RBM39: variants seen among roughly 807,000 people sequenced by gnomAD.
The protein encoded by RBM39 is RNA-binding protein 39.
A neutral mutation model predicts 79.6 loss-of-function variants in RBM39; 12 were observed. That is an observed-to-expected ratio of 0.15 (90% CI 0.10 to 0.24). The LOEUF (loss-of-function observed/expected upper bound fraction) is 0.24. Ranked by LOEUF, RBM39 falls within the 10% of genes least tolerant of loss-of-function variation. RBM39 has a pLI of 1.00. For missense variants in RBM39, 243 were observed against 653.4 expected (o/e 0.37, Z 6.85); for synonymous variants, 185 against 208.4 (o/e 0.89, Z 0.97).
At chr20:35,739,851 G>T in intron 2 of RBM39, 1 of 176,744 alleles carries the variant, frequency 5.7e-6, no homozygotes, top group Non-Finnish European at 1.2e-5. Flanking sequence ...TTTTTAAAAG[G>T]TTTAGTGAAA....
At chr20:35,721,092 C>G (rs1600494164) in intron 9 of RBM39, among the ~76,000 whole-genome samples, 1 of 152,114 alleles carries the variant, frequency 6.6e-6, no homozygotes, top group Non-Finnish European at 1.5e-5. Context: ...AGAGACGCAC[C>G]AACACGCCCA....
intron 12 of RBM39, among the ~76,000 whole-genome samples, chr20:35,712,044 G>A (rs2036482165): frequency 6.6e-6 from 1 of 152,082 alleles, no homozygotes; most frequent in South Asian, 2.1e-4. Flanking sequence ...GCCACAGAGT[G>A]AGACTCCATC....
Position 35,731,888 on chromosome 20 carries a change from C to T in RBM39, c.296+53G>A, listed in dbSNP as rs1206888535. The T allele has an allele frequency of 4.0e-6, 6 of 1,496,496 alleles. No homozygotes were observed. The Admixed American group carries it at 5.5e-5, about 14-fold the overall frequency. The allele number at this position is 1,496,496 out of a possible 1,614,324, so 92.7% of individuals were successfully genotyped here. On this transcript the variant is annotated intron_variant, in intron 4 of 16. Transcript: ENST00000253363. ...CAAATCACTCAAGTTAAACTGCCAT[C>T]TGAATACCCAGAGAATAACCCTCAA...
At chr20:35,733,611 A>AAAAAG (rs113092336) in intron 3 of RBM39, among the ~76,000 whole-genome samples, 2,639 of 151,694 alleles carry the variant, frequency 0.017, 34 homozygotes, top group Non-Finnish European at 0.023. Context: ...TGTCTCCAAA[A>AAAAAG]AAAAAGAAAA....
chr20:35,734,161 G>C, intron 3 of RBM39: 1 of 1,274,500 alleles, frequency 7.8e-7, no homozygotes, highest in Non-Finnish European at 1.0e-6. Context: ...AGAGTGCATT[G>C]AAAATAGAAA....
chr20:35,709,159 A>AGT (rs2036113083), intron 13 of RBM39, 65 bp downstream of exon 13: 80 of 1,397,554 alleles, frequency 5.7e-5, no homozygotes, highest in Non-Finnish European at 7.9e-5. Context: ...AATATAGAAA[A>AGT]CTGTCTTACT....
chr20:35,735,824 A>C (rs1262409903), intron 3 of RBM39, among the ~76,000 whole-genome samples: 1 of 152,204 alleles, frequency 6.6e-6, no homozygotes, highest in African/African-American at 2.4e-5. Context: ...CCCTTAGACA[A>C]TCTCATGGTT....
intron 2 of RBM39, 71 bp from the exon 3 acceptor site, chr20:35,739,088 G>T (rs995128101): frequency 1.6e-6 from 2 of 1,221,630 alleles, no homozygotes; most frequent in Admixed American, 1.8e-5. Flanking sequence ...AGGGTAAAGG[G>T]AACAGGAATA....
intron 10 of RBM39, among the ~76,000 whole-genome samples, 159 bp from the exon 11 acceptor site, chr20:35,714,548 T>C (rs1375127275): frequency 2.6e-5 from 4 of 152,200 alleles, no homozygotes; most frequent in Admixed American, 1.3e-4. Flanking sequence ...ACATACATGA[T>C]GACGACGCTA....
At position 35,707,273 on chromosome 20, in the gene RBM39, GA is replaced by G. The variant is rs2035860511; in HGVS notation, c.1226-73del. ...GTATCCCTCATAAATACTTTAAAACGAAACCAAAAACCCACCCCAAGCATGT... is the reference window on the plus strand; with the variant it reads ...GTATCCCTCATAAATACTTTAAAACGAACCAAAAACCCACCCCAAGCATGT... On this transcript the variant is annotated intron_variant, in intron 13 of 16. Coordinates refer to ENST00000253363, the MANE Select transcript of RBM39 (RefSeq NM_184234.3). The G allele has an allele frequency of 2.7e-6, 3 of 1,103,040 alleles. No homozygotes were observed. The South Asian group carries it at 4.6e-5, about 17-fold the overall frequency. 68.3% of individuals were successfully genotyped at this position (1,103,040 alleles called of 1,614,324 possible).
At chr20:35,736,630 A>T in intron 3 of RBM39, 1 of 466,754 alleles carries the variant, frequency 2.1e-6, no homozygotes, top group Non-Finnish European at 4.4e-6. Flanking sequence ...GTTTTTCATT[A>T]ACATAAGGTC....
rs187424058 is a variant in RBM39 at position 35,718,583 on chromosome 20, G to A, written c.826-1778C>T. On this transcript the variant is annotated intron_variant, in intron 9 of 16. Coordinates refer to ENST00000253363, the MANE Select transcript of RBM39 (RefSeq NM_184234.3). ...TCCCACCACTTTGGGAGGCCGAGGA[G>A]GGCGAATCACCAGAGGTCAGGAGTT... 4.6e-5 allele frequency among the ~76,000 whole-genome samples: 7 copies of A among 151,968 alleles called. No individual in the cohort carries two copies. The East Asian group carries it at 1.4e-3, about 29-fold the overall frequency.
Position 35,704,601 on chromosome 20 carries a change from T to C in RBM39, c.1493-20A>G, listed in dbSNP as rs775080769. 2 of 1,610,912 alleles carry C rather than the reference T, an allele frequency of 1.2e-6. No individual in the cohort carries two copies. The highest frequency in any genetic ancestry group is 1.1e-5 in the South Asian group (1 of 90,980). ...TTTTACCTATTAAAAGAAACAGACA[T>C]GTTGGGTTTAGCATCTTCATTATAG... On this transcript the variant is annotated intron_variant, in intron 16 of 16. Coordinates refer to ENST00000253363, the MANE Select transcript of RBM39 (RefSeq NM_184234.3).
intron 15 of RBM39, 35 bp from the exon 16 acceptor site, chr20:35,704,781 G>A (rs1430719014): frequency 1.1e-5 from 18 of 1,587,172 alleles, no homozygotes; most frequent in Non-Finnish European, 1.6e-5. Flanking sequence ...TAAAGATGTT[G>A]CTGTATGCAA....
chr20:35,740,586 C>T, intron 2 of RBM39: 1 of 1,451,614 alleles, frequency 6.9e-7, no homozygotes. Context: ...GGTGAGATAT[C>T]GTTAGGCAAG....
intron 3 of RBM39, 46 bp downstream of exon 3, chr20:35,738,922 A>G (rs1287223442): frequency 1.3e-6 from 2 of 1,539,108 alleles, no homozygotes; most frequent in African/African-American, 2.7e-5. Flanking sequence ...GTCTAAAACC[A>G]CAAAAAAGCT....
At position 35,727,350 on chromosome 20, in the gene RBM39, AAAAAATAAAAAAT is replaced by A. The variant is rs537707750; in HGVS notation, c.416+1949_416+1961del. ...GGGTGACAAAGAGAAACCCTACCTC[AAAAAATAAAAAAT>A]AAAAATAAAAAAGCAAATGCTTTCT... On this transcript the variant is annotated intron_variant, in intron 6 of 16. Transcript: ENST00000253363. Among the ~76,000 whole-genome samples the A allele has an allele frequency of 9.9e-4, 150 of 151,762 alleles. No homozygotes were observed. In the South Asian group the frequency reaches 0.011, roughly 11 times the overall value.
intron 1 of RBM39, 46 bp from the exon 2 acceptor site, chr20:35,740,933 A>C: frequency 1.4e-6 from 2 of 1,422,488 alleles, no homozygotes; most frequent in Admixed American, 1.8e-5. Flanking sequence ...TTTCTCTTAC[A>C]ATGTGAAACA....
intron 12 of RBM39, chr20:35,710,307 G>A (rs1021093220): frequency 6.6e-6 from 1 of 152,130 alleles, no homozygotes; most frequent in Admixed American, 6.6e-5. Context: ...CTCAAAATTG[G>A]CATCTCAGGG....
Sources: allele counts gnomAD v4.1 joint callset (sites outside exome capture counted in the v4.1 genomes callset), GRCh38; gene constraint gnomAD v4.1.1; transcripts MANE v1.5; gene names NCBI Gene and HGNC (gene_info 2026-07-23, HGNC 2026-07-21).